SYNJ2: variants seen among roughly 807,000 people sequenced by gnomAD.
The protein encoded by SYNJ2 is synaptojanin 2, also known as polyphosphatidylinositol phosphatase SYNJ2.
SYNJ2 carries 116 observed loss-of-function variants against 141.3 expected under a neutral mutation model. That is an observed-to-expected ratio of 0.82 (90% CI 0.71 to 0.96). SYNJ2 has a LOEUF of 0.96. Among genes scored for constraint, SYNJ2 ranks in the 40% least tolerant of loss-of-function variants. The pLI, the probability that SYNJ2 is intolerant of heterozygous loss-of-function variation, is 0.00. For synonymous variants in SYNJ2, 745 were observed against 777.7 expected (o/e 0.96, Z 0.70); for missense variants, 1,873 against 1,934.8 (o/e 0.97, Z 0.60).
At chr6:158,021,839 A>G (rs901499127) in intron 2 of SYNJ2, among the ~76,000 whole-genome samples, 1 of 152,184 alleles carries the variant, frequency 6.6e-6, no homozygotes, top group African/African-American at 2.4e-5. Flanking sequence ...GTGGTGGGAT[A>G]TTACCAAGAG....
chr6:158,082,487 C>CAAAAA (rs769884420), intron 20 of SYNJ2, among the ~76,000 whole-genome samples: 2 of 75,314 alleles, frequency 2.7e-5, no homozygotes, highest in Non-Finnish European at 4.8e-5. Context: ...ACTCTGTCTC[C>CAAAAA]AAAAAAAAAA....
rs1310680392 is a variant in SYNJ2, at chr6:158,096,056, G to A, written c.4183G>A (p.Asp1395Asn). ...STSSATSPDS[D>N]GTKAMKPEAA... ...TTCATCTGCTACAAGCCCCGACAGC[G>A]ATGGCACCAAAGCGATGAAGCCAGA... The change falls in exon 27 of 27, where the codon GAT (aspartate) becomes AAT (asparagine). Residue 1395 changes from aspartate to asparagine, a missense_variant. Asp to Asn is a conservative substitution (Grantham distance 23). Coordinates refer to ENST00000355585, the MANE Select transcript of SYNJ2 (RefSeq NM_003898.4). 27 of 1,614,118 alleles carry A rather than the reference G, an allele frequency of 1.7e-5. No homozygotes were observed. The highest frequency in any genetic ancestry group is 3.3e-5 in the Admixed American group (2 of 60,012).
chr6:158,008,616 G>A (rs1301192872), intron 1 of SYNJ2, among the ~76,000 whole-genome samples: 2 of 152,186 alleles, frequency 1.3e-5, no homozygotes, highest in Non-Finnish European at 2.9e-5. Flanking sequence ...TGGGTACGTG[G>A]TAATGAAGGT....
chr6:158,060,842 G>A (rs564805132), intron 7 of SYNJ2, among the ~76,000 whole-genome samples: 15 of 152,352 alleles, frequency 9.8e-5, no homozygotes, highest in East Asian at 1.9e-4. Context: ...CACCTCATGC[G>A]GAGAAGGGTG....
chr6:158,020,080 C>T (rs1048638354), intron 2 of SYNJ2, among the ~76,000 whole-genome samples: 1 of 150,236 alleles, frequency 6.7e-6, no homozygotes, highest in Non-Finnish European at 1.5e-5. Flanking sequence ...GTGTGACCAA[C>T]TACAACTGTG....
chr6:158,089,382 C>T (rs992591378), intron 24 of SYNJ2, among the ~76,000 whole-genome samples: 3 of 152,058 alleles, frequency 2.0e-5, no homozygotes, highest in South Asian at 2.1e-4. Flanking sequence ...AGTGCTTGTG[C>T]GGCCCCAGCA....
intron 4 of SYNJ2, among the ~76,000 whole-genome samples, chr6:158,037,506 A>C (rs1779703580): frequency 6.9e-6 from 1 of 145,854 alleles, no homozygotes; most frequent in Non-Finnish European, 1.5e-5. Flanking sequence ...GGTTCACACC[A>C]TTCTCCTGCC....
chr6:157,984,062 C>G (rs954545280), intron 1 of SYNJ2, among the ~76,000 whole-genome samples: 3 of 152,138 alleles, frequency 2.0e-5, no homozygotes, highest in African/African-American at 7.2e-5. Context: ...TCTCGAACTC[C>G]TGGGCTCAGG....
At chr6:158,086,222 A>G (rs999281012) in intron 22 of SYNJ2, among the ~76,000 whole-genome samples, 3 of 152,122 alleles carry the variant, frequency 2.0e-5, no homozygotes, top group African/African-American at 7.2e-5. Context: ...GGAGAGGCCC[A>G]TGCTTTGGGG....
At chr6:157,992,521 C>T (rs1438906794) in intron 1 of SYNJ2, among the ~76,000 whole-genome samples, 1 of 151,234 alleles carries the variant, frequency 6.6e-6, no homozygotes, top group Admixed American at 6.6e-5. Context: ...GTTCAACCTC[C>T]CAAGTAGCTG....
chr6:158,030,042 C>G (rs1040999784), intron 3 of SYNJ2, among the ~76,000 whole-genome samples: 2 of 152,200 alleles, frequency 1.3e-5, no homozygotes, highest in African/African-American at 4.8e-5. Flanking sequence ...TGTAGCAATG[C>G]ACTAAGACTA....
chr6:158,017,400 CT>C, intron 2 of SYNJ2, 110 bp downstream of exon 2: 1 of 1,034,908 alleles, frequency 9.7e-7, no homozygotes, highest in Admixed American at 3.4e-5. Flanking sequence ...TCTTCTCTCT[CT>C]CTTCTTTTTT....
intron 2 of SYNJ2, 115 bp downstream of exon 2, chr6:158,017,405 C>CTTTTTTTTT: frequency 5.0e-6 from 3 of 599,276 alleles, no homozygotes; most frequent in Non-Finnish European, 2.3e-6. Flanking sequence ...TCTCTCTCTT[C>CTTTTTTTTT]TTTTTTTTTT....
upstream of SYNJ2, among the ~76,000 whole-genome samples, chr6:157,981,724 G>A (rs960022554): frequency 9.9e-5 from 15 of 151,826 alleles, no homozygotes; most frequent in Non-Finnish European, 1.6e-4. The surrounding 1 kb of genome is among the most constrained non-coding windows in gnomAD (Gnocchi z 6.4). Flanking sequence ...CTGCCTGGCC[G>A]CTGGGGGGAG....
chr6:158,040,378 G>A lies in SYNJ2; in HGVS notation c.712-2938G>A, dbSNP rs1242354243. Among the ~76,000 whole-genome samples the A allele has an allele frequency of 4.6e-5, 7 of 152,226 alleles. No individual in the cohort carries two copies. Among genetic ancestry groups the A allele is most frequent in the African/African-American group, 9.6e-5 (4 of 41,518 alleles). ...TTGTGTATGTGTTGTGTGTCTGCAC[G>A]CACAGATGTTGTGTACATGTGTAGA... is the stretch of plus-strand genomic sequence containing the variant. On this transcript the variant is annotated intron_variant, in intron 4 of 26. Coordinates refer to ENST00000355585, the MANE Select transcript of SYNJ2 (RefSeq NM_003898.4). This position sits in a 1 kb window ranked among gnomAD's most constrained non-coding sequence, Gnocchi z 4.2.
chr6:158,036,437 G>GA (rs1779641782), intron 4 of SYNJ2, among the ~76,000 whole-genome samples: 1 of 152,214 alleles, frequency 6.6e-6, no homozygotes, highest in Non-Finnish European at 1.5e-5. Context: ...ATGCAGTCAT[G>GA]AAAAGGAATG....
intron 12 of SYNJ2, chr6:158,067,475 T>C: frequency 2.0e-6 from 2 of 985,474 alleles, no homozygotes; most frequent in Non-Finnish European, 2.4e-6. Context: ...TCTTGTAAGA[T>C]ACACTATTGA....
intron 1 of SYNJ2, among the ~76,000 whole-genome samples, chr6:158,013,860 C>T (rs1778356582): frequency 6.6e-6 from 1 of 152,102 alleles, no homozygotes; most frequent in African/African-American, 2.4e-5. Context: ...CTAGTGTTTC[C>T]AAGTGCAAGA....
At chr6:157,985,615 C>T (rs1019161547) in intron 1 of SYNJ2, among the ~76,000 whole-genome samples, 45 of 152,204 alleles carry the variant, frequency 3.0e-4, no homozygotes, top group African/African-American at 1.0e-3. Context: ...GTCTCTGTCT[C>T]TTGTAAACTT....
Sources: gnomAD v4.1 joint callset for allele counts (sites outside exome capture counted in the v4.1 genomes callset) on GRCh38, gnomAD v4.1.1 for gene constraint, Gnocchi (gnomAD v3.1) non-coding constraint, MANE v1.5 for transcripts, NCBI Gene and HGNC (gene_info 2026-07-23, HGNC 2026-07-21) for gene names.